The following CHST8 variants were observed in gnomAD, a reference collection of about 807,000 sequenced individuals.
The protein encoded by CHST8 is GALNAC-4-ST1.
A neutral mutation model predicts 15.0 loss-of-function variants in CHST8; 10 were observed. The observed-to-expected ratio is 0.67, with a 90% CI of 0.41 to 1.13. The LOEUF (loss-of-function observed/expected upper bound fraction) is 1.13, where lower values mean the gene tolerates loss of function less well. Among genes scored for constraint, CHST8 ranks in the 50% most tolerant of loss-of-function variants. CHST8 has a pLI of 0.00. For synonymous variants in CHST8, 259 were observed against 256.6 expected, an observed-to-expected ratio of 1.01 and a Z score of -0.09; for missense variants, 634 against 608.2, an observed-to-expected ratio of 1.04 and a Z score of -0.45.
At chr19:33,627,557 C>T (rs570388435) in intron 1 of CHST8, among the ~76,000 whole-genome samples, 2 of 152,296 alleles carry the variant, frequency 1.3e-5, no homozygotes, top group East Asian at 1.9e-4. Context: ...ATCCGCACTC[C>T]GCACGTAGAA....
intron 3 of CHST8, among the ~76,000 whole-genome samples, chr19:33,753,543 A>G (rs111212145): frequency 1.8e-5 from 1 of 55,136 alleles, no homozygotes; most frequent in Non-Finnish European, 3.6e-5. Flanking sequence ...TCCACCTGCC[A>G]TCTCCTAACC....
At chr19:33,696,286 G>A (rs1024334980) in intron 3 of CHST8, among the ~76,000 whole-genome samples, 4 of 152,048 alleles carry the variant, frequency 2.6e-5, no homozygotes, top group African/African-American at 9.7e-5. Context: ...TTCCTGGATT[G>A]AATGGTAGTT....
chr19:33,692,676 G>T (rs1445775865), intron 3 of CHST8, among the ~76,000 whole-genome samples: 1 of 152,300 alleles, frequency 6.6e-6, no homozygotes, highest in Non-Finnish European at 1.5e-5. Context: ...CTCCAGCCTG[G>T]GTGACAGGGC....
Position 33,695,165 on chromosome 19 carries a change from T to C in CHST8, c.130+5774T>C, listed in dbSNP as rs549303658. ...TCTTACCATGTTGCCCAGACTGGTC[T>C]TAAACTCCTGGGCTCAAGTGATCTC... On this transcript the variant is annotated intron_variant, in intron 3 of 4. Coordinates refer to ENST00000650847, the MANE Select transcript of CHST8 (RefSeq NM_001127895.2). Among the ~76,000 whole-genome samples, 4 of 152,206 alleles carry C rather than the reference T, an allele frequency of 2.6e-5. No individual in the cohort carries two copies. The South Asian group carries it at 8.3e-4, about 32-fold the overall frequency.
chr19:33,668,065 C>T (rs536397122), intron 2 of CHST8, among the ~76,000 whole-genome samples: 8 of 152,182 alleles, frequency 5.3e-5, no homozygotes, highest in African/African-American at 1.7e-4. Flanking sequence ...GGCCTAACCC[C>T]GAGTGAATGC....
At chr19:33,767,052 C>T (rs1024549247) in intron 3 of CHST8, among the ~76,000 whole-genome samples, 1 of 151,900 alleles carries the variant, frequency 6.6e-6, no homozygotes, top group Non-Finnish European at 1.5e-5. Flanking sequence ...TAAGGACAGT[C>T]GCAGTGATGG....
At chr19:33,670,385 C>T (rs4805921) in intron 2 of CHST8, among the ~76,000 whole-genome samples, 24,673 of 152,166 alleles carry the variant, frequency 0.16, 2,262 homozygotes, top group Admixed American at 0.25. Context: ...ACCAACTGCA[C>T]CAAACTTTCA....
chr19:33,772,703 G>C lies in CHST8; in HGVS notation c.915G>C (p.Gly305=). The C allele has an allele frequency of 6.2e-7, 1 of 1,613,516 alleles. No homozygotes were observed. The highest frequency in any genetic ancestry group is 8.5e-7 in the Non-Finnish European group (1 of 1,180,028). Residue 305 remains glycine (G), a synonymous_variant, in exon 5 of 5, where the codon GGG becomes GGC. Transcript: ENST00000650847. ...ASREALRTGS[G]VRFPEFVQYL... ...GGGAGGCCCTGCGGACCGGCTCTGGGGTGCGTTTTCCCGAGTTCGTCCAGT... is the reference window on the plus strand; with the variant it reads ...GGGAGGCCCTGCGGACCGGCTCTGGCGTGCGTTTTCCCGAGTTCGTCCAGT...
At chr19:33,703,946 C>T (rs1001276342) in intron 3 of CHST8, among the ~76,000 whole-genome samples, 6 of 152,194 alleles carry the variant, frequency 3.9e-5, no homozygotes, top group African/African-American at 4.8e-5. Flanking sequence ...CCCTGCACAG[C>T]GCAGGCTCCT....
At chr19:33,696,318 AG>A (rs781402753) in intron 3 of CHST8, among the ~76,000 whole-genome samples, 2 of 152,012 alleles carry the variant, frequency 1.3e-5, no homozygotes, top group East Asian at 3.9e-4. Flanking sequence ...TTTTTAAGGC[AG>A]GGGTCTCCAA....
chr19:33,728,256 G>C (rs1293427122), intron 3 of CHST8, among the ~76,000 whole-genome samples: 1 of 152,262 alleles, frequency 6.6e-6, no homozygotes, highest in Non-Finnish European at 1.5e-5. Flanking sequence ...TGAGTTCACA[G>C]TTCTCTCTAG....
At chr19:33,736,013 G>A (rs570699693) in intron 3 of CHST8, among the ~76,000 whole-genome samples, 2 of 152,326 alleles carry the variant, frequency 1.3e-5, no homozygotes, top group East Asian at 1.9e-4. Context: ...GCCAGGGATG[G>A]CTTCAGCCCA....
intron 1 of CHST8, among the ~76,000 whole-genome samples, chr19:33,652,288 A>T (rs1972458460): frequency 6.7e-6 from 1 of 148,452 alleles, no homozygotes; most frequent in African/African-American, 2.5e-5. Flanking sequence ...TTTCTGTGTC[A>T]TCATGTTTTG....
At chr19:33,757,494 GAAAGAAAGAAAGAAAGAAAGAAAGAA>G (rs1974601698) in intron 3 of CHST8, among the ~76,000 whole-genome samples, 1 of 47,072 alleles carries the variant, frequency 2.1e-5, no homozygotes, top group African/African-American at 9.0e-5. Flanking sequence ...AAGAAAGAAA[GAAAGAAAGAAAGAAAGAAAGAAAGAA>G]AGAGAAAGAA....
intron 3 of CHST8, among the ~76,000 whole-genome samples, chr19:33,759,540 C>A (rs1391808849): frequency 6.6e-6 from 1 of 152,156 alleles, no homozygotes; most frequent in Non-Finnish European, 1.5e-5. Flanking sequence ...TGGTATCATG[C>A]CCCCACTGGC....
chr19:33,748,105 G>A (rs979545878), intron 3 of CHST8, among the ~76,000 whole-genome samples: 6 of 152,162 alleles, frequency 3.9e-5, no homozygotes, highest in African/African-American at 9.7e-5. Context: ...GGGGAATGCC[G>A]CCTGCCACTC....
chr19:33,631,928 A>C (rs1972127149), intron 1 of CHST8, among the ~76,000 whole-genome samples: 1 of 152,172 alleles, frequency 6.6e-6, no homozygotes, highest in South Asian at 2.1e-4. Flanking sequence ...TCCACCTCCT[A>C]GAGCTGTTGT....
chr19:33,730,494 C>T (rs1022188045), intron 3 of CHST8, among the ~76,000 whole-genome samples: 1 of 152,234 alleles, frequency 6.6e-6, no homozygotes, highest in African/African-American at 2.4e-5. Context: ...ACATGCCCCA[C>T]TGCCTTTTCG....
chr19:33,708,005 GTACTA>G (rs1182111719), intron 3 of CHST8, among the ~76,000 whole-genome samples: 18 of 152,100 alleles, frequency 1.2e-4, no homozygotes, highest in Admixed American at 8.5e-4. Flanking sequence ...TCTCTAATGA[GTACTA>G]TTAAGCATAT....
Sources: gnomAD v4.1 joint callset for allele counts (sites outside exome capture counted in the v4.1 genomes callset) on GRCh38, gnomAD v4.1.1 for gene constraint, MANE v1.5 for transcripts, NCBI Gene and HGNC (gene_info 2026-07-23, HGNC 2026-07-21) for gene names.